RPH3AL: variants seen among roughly 807,000 people sequenced by gnomAD.
RPH3AL encodes rab effector Noc2.
In RPH3AL, 38 loss-of-function variants were observed where a neutral mutation model predicts 43.1. The ratio of observed to expected loss-of-function variants is 0.88; its 90% CI spans 0.68 to 1.15. The LOEUF (loss-of-function observed/expected upper bound fraction) is 1.15. Ranked by LOEUF, RPH3AL falls within the 50% of genes most tolerant of loss-of-function variation. The probability of loss-of-function intolerance (pLI) is 0.00; values close to 1 mark genes in which losing one functional copy is unlikely to be tolerated. For synonymous variants in RPH3AL, 189 were observed against 176.3 expected (o/e 1.07, Z -0.57); for missense variants, 462 against 423.2 (o/e 1.09, Z -0.81).
intron 5 of RPH3AL, among the ~76,000 whole-genome samples, chr17:316,344 G>A (rs1370583323): frequency 1.8e-4 from 27 of 148,342 alleles, no homozygotes; most frequent in African/African-American, 3.8e-4. Context: ...CCACTGACCT[G>A]TAGTCTCTGT....
At chr17:314,477 C>A (rs878928364) in intron 5 of RPH3AL, among the ~76,000 whole-genome samples, 1 of 141,466 alleles carries the variant, frequency 7.1e-6, no homozygotes, top group Non-Finnish European at 1.6e-5. Context: ...GCCCCCACCT[C>A]CATTGACCTG....
At position 252,371 on chromosome 17, in the gene RPH3AL, G is replaced by T. The variant is rs370595408; in HGVS notation, c.439-5086C>A. ...AAACTAGGCCACCTATAACATCACTGCACAGAGACGCCCTGCTGACCATGG... is the reference window on the plus strand; with the variant it reads ...AAACTAGGCCACCTATAACATCACTTCACAGAGACGCCCTGCTGACCATGG... On this transcript the variant is annotated intron_variant, in intron 6 of 9. Transcript: ENST00000331302. 6.6e-6 allele frequency among the ~76,000 whole-genome samples: 1 copy of T among 152,178 alleles called. No individual in the cohort carries two copies. Among genetic ancestry groups the T allele is most frequent in the African/African-American group, 2.4e-5 (1 of 41,520 alleles).
rs759922447 is a variant in RPH3AL at position 281,784 on chromosome 17, C to A, written c.422G>T (p.Cys141Phe). 2.5e-6 allele frequency: 4 copies of A among 1,613,928 alleles called. No individual in the cohort carries two copies. The highest frequency in any genetic ancestry group is 2.2e-5 in the South Asian group (2 of 91,070). The change falls in exon 6 of 10, where the codon TGC (cysteine) becomes TTC (phenylalanine). Residue 141 changes from cysteine to phenylalanine, a missense_variant. Coordinates refer to ENST00000331302, the MANE Select transcript of RPH3AL (RefSeq NM_006987.4). Reference protein sequence around the residue: ...QKRPLWLCKICSEQREVWKRS... With the variant: ...QKRPLWLCKIFSEQREVWKRS... ...ACGCCCTACCTCTCTTTGCTCACTG[C>A]AGATCTTACACAGCCACAGGGGCCG...
At position 263,989 on chromosome 17, in the gene RPH3AL, G is replaced by A. The variant is rs188515508; in HGVS notation, c.439-16704C>T. ...TCCAGCAGGAAACAAGGGCCTGAGG[G>A]TATCGTGCTGTTAGCGGACGCGATG... On this transcript the variant is annotated intron_variant, in intron 6 of 9. Transcript: ENST00000331302. Among the ~76,000 whole-genome samples the A allele has an allele frequency of 2.6e-5, 4 of 152,260 alleles. No individual in the cohort carries two copies. In the East Asian group the frequency reaches 7.7e-4, roughly 29 times the overall value.
chr17:221,600 C>T (rs149546802), intron 7 of RPH3AL, among the ~76,000 whole-genome samples: 1,486 of 126,918 alleles, frequency 0.012, 9 homozygotes, highest in African/African-American at 0.014. Context: ...GGCCTCCACT[C>T]GGTGAGACAA....
intron 1 of RPH3AL, among the ~76,000 whole-genome samples, chr17:345,353 C>A (rs2045216117): frequency 2.2e-5 from 3 of 135,540 alleles, no homozygotes; most frequent in Admixed American, 2.1e-4. Context: ...TCTACAGCCA[C>A]TGCTGTGAGG....
chr17:240,703 T>A (rs9908519), intron 7 of RPH3AL, among the ~76,000 whole-genome samples: 11 of 152,128 alleles, frequency 7.2e-5, no homozygotes, highest in African/African-American at 2.7e-4. Context: ...GATGGACGTA[T>A]GAGTTGTTGC....
rs577576709 is a variant in RPH3AL at position 246,431 on chromosome 17, C to T, written c.613+680G>A. Among the ~76,000 whole-genome samples, 185 of 152,290 alleles carry T rather than the reference C, an allele frequency of 1.2e-3. 2 individuals carry two copies. The highest frequency in any genetic ancestry group is 1.2e-4 in the Non-Finnish European group (8 of 68,028). On this transcript the variant is annotated intron_variant, in intron 7 of 9. Transcript: ENST00000331302. The surrounding 1 kb of genome is among the most constrained non-coding windows in gnomAD (Gnocchi z 4.8). Reference sequence around the variant, plus strand: ...GGCCACACACCTGCCGAGGAAGTCCCTCCTCTTCTCTGAGCCGCAGGTACA... The same window carrying T: ...GGCCACACACCTGCCGAGGAAGTCCTTCCTCTTCTCTGAGCCGCAGGTACA...
At chr17:351,947 G>C (rs1047701541) in intron 1 of RPH3AL, among the ~76,000 whole-genome samples, 2 of 152,142 alleles carry the variant, frequency 1.3e-5, no homozygotes, top group African/African-American at 4.8e-5. Context: ...GTCCCGAAAC[G>C]GGCCCCTGCA....
chr17:263,324 A>G (rs1254818442), intron 6 of RPH3AL, among the ~76,000 whole-genome samples: 1 of 152,212 alleles, frequency 6.6e-6, no homozygotes, highest in Non-Finnish European at 1.5e-5. Flanking sequence ...GATCAACATC[A>G]GGGGACAGAG....
At chr17:284,082 C>A (rs1053098826) in intron 5 of RPH3AL, among the ~76,000 whole-genome samples, 1 of 152,228 alleles carries the variant, frequency 6.6e-6, no homozygotes, top group African/African-American at 2.4e-5. Context: ...ACACACGCAT[C>A]GGTTGAGGGC....
chr17:276,916 TG>T (rs2151599633), intron 6 of RPH3AL, among the ~76,000 whole-genome samples: 1 of 152,318 alleles, frequency 6.6e-6, no homozygotes, highest in East Asian at 1.9e-4. Context: ...TGGTCTTTTT[TG>T]TATAAAGGCA....
intron 8 of RPH3AL, among the ~76,000 whole-genome samples, chr17:218,604 G>A (rs542991389): frequency 1.4e-4 from 22 of 152,306 alleles, no homozygotes; most frequent in Middle Eastern, 3.4e-3. Flanking sequence ...GTGACCGAAT[G>A]AAGCTGGCCC....
Position 333,179 on chromosome 17 carries a change from CATCACT to C in RPH3AL, c.-37+574_-37+579del. ...CACCCCGGGCGTTCGTCACTGCAGA[CATCACT>C]GCAGACACAGAGAAGGCCATTAGAG... On this transcript the variant is annotated intron_variant, in intron 2 of 9. Transcript: ENST00000331302. The surrounding 1 kb of genome is among the most constrained non-coding windows in gnomAD (Gnocchi z 4.5). The C allele has an allele frequency of 8.6e-7, 1 of 1,156,158 alleles. No individual in the cohort carries two copies. The highest frequency in any genetic ancestry group is 1.5e-5 in the South Asian group (1 of 64,864). 71.6% of individuals were successfully genotyped at this position (1,156,158 alleles called of 1,614,324 possible). A position where few individuals can be genotyped will look rare whatever the true frequency, so the allele number is the denominator to read the frequency against.
chr17:245,078 C>T lies in RPH3AL; in HGVS notation c.613+2033G>A, dbSNP rs547329689. 0.036 allele frequency among the ~76,000 whole-genome samples: 5,340 copies of T among 147,304 alleles called. 121 individuals carry two copies. Among genetic ancestry groups the T allele is most frequent in the South Asian group, 0.097 (443 of 4,546 alleles). ...ATGTGGATGTGTGTGCATAAATGTG[C>T]ATGCGCAAGTGTGTGTAGACGTGTG... On this transcript the variant is annotated intron_variant, in intron 7 of 9. Transcript: ENST00000331302. The surrounding 1 kb of genome is among the most constrained non-coding windows in gnomAD (Gnocchi z 5.9).
rs1567532525 is a variant in RPH3AL, at chr17:333,368, A to G, written c.-37+391T>C. The G allele has an allele frequency of 1.8e-6, 2 of 1,142,244 alleles. No homozygotes were observed. The highest frequency in any genetic ancestry group is 3.6e-4 in the Middle Eastern group (1 of 2,758). The allele number at this position is 1,142,244 out of a possible 1,614,324, so 70.8% of individuals were successfully genotyped here. A position where few individuals can be genotyped will look rare whatever the true frequency, so the allele number is the denominator to read the frequency against. ...ATCAGCCACCCCCATGGCGACTCTTAACACCTTAATGTAGCACCTTCCAAC... is the reference window on the plus strand; with the variant it reads ...ATCAGCCACCCCCATGGCGACTCTTGACACCTTAATGTAGCACCTTCCAAC... On this transcript the variant is annotated intron_variant, in intron 2 of 9. Coordinates refer to ENST00000331302, the MANE Select transcript of RPH3AL (RefSeq NM_006987.4). The surrounding 1 kb of genome is among the most constrained non-coding windows in gnomAD (Gnocchi z 4.5).
At chr17:237,616 T>A (rs1172834984) in intron 7 of RPH3AL, among the ~76,000 whole-genome samples, 1 of 152,208 alleles carries the variant, frequency 6.6e-6, no homozygotes, top group Non-Finnish European at 1.5e-5. Flanking sequence ...AATGGGTATT[T>A]ACACCCTGTG....
At chr17:342,818 C>A (rs891750867) in intron 1 of RPH3AL, among the ~76,000 whole-genome samples, 2 of 152,038 alleles carry the variant, frequency 1.3e-5, no homozygotes, top group African/African-American at 4.8e-5. Flanking sequence ...CCATCTATCC[C>A]AAATTAATAT....
At position 321,345 on chromosome 17, in the gene RPH3AL, C is replaced by T; in HGVS notation, c.148G>A (p.Ala50Thr). 2 of 1,611,804 alleles carry T rather than the reference C, an allele frequency of 1.2e-6. No homozygotes were observed. The highest frequency in any genetic ancestry group is 1.3e-5 in the African/African-American group (1 of 75,044). Residue 50 changes from alanine (A) to threonine (T), a missense_variant, in exon 4 of 10, where the codon GCG becomes ACG. Physicochemically the swap from Ala to Thr is moderately conservative, Grantham distance 58. Transcript: ENST00000331302. Reference protein sequence around the residue: ...KQRRKQHLSPAEVEAILQVIQ... With the variant: ...KQRRKQHLSPTEVEAILQVIQ... Reference sequence around the variant, plus strand: ...ACCTGCAGGATGGCCTCCACCTCCGCCGGGCTGAGGTGCTGCTTCCTCCTC... The same window carrying T: ...ACCTGCAGGATGGCCTCCACCTCCGTCGGGCTGAGGTGCTGCTTCCTCCTC...
Sources: gnomAD v4.1 joint callset for allele counts (sites outside exome capture counted in the v4.1 genomes callset) on GRCh38, gnomAD v4.1.1 for gene constraint, Gnocchi (gnomAD v3.1) non-coding constraint, MANE v1.5 for transcripts, NCBI Gene and HGNC (gene_info 2026-07-23, HGNC 2026-07-21) for gene names.